Variants in CWH43 observed in about 807,000 individuals in gnomAD.
CWH43 encodes cell wall biogenesis 43 C-terminal homolog, also known as PGAP2-interacting protein.
A neutral mutation model predicts 85.7 loss-of-function variants in CWH43; 91 were observed. The ratio of observed to expected loss-of-function variants is 1.06; its 90% CI spans 0.90 to 1.26. The LOEUF is 1.26. CWH43 is among the 50% of genes most tolerant of loss of function. CWH43 has a pLI of 0.00. For missense variants in CWH43, 869 were observed against 839.2 expected (o/e 1.04, Z -0.44); for synonymous variants, 323 against 293.6 (o/e 1.10, Z -1.02).
Position 49,039,749 on chromosome 4 carries a change from TTTA to T in CWH43, c.1803+1580_1803+1582del, listed in dbSNP as rs543175778. ...TTTTTTTTTCTGATTTTTTTAAAAT[TTTA>T]TTATTATTATACTTTAAGTTTTAGG... On this transcript the variant is annotated intron_variant, in intron 13 of 15. Coordinates refer to ENST00000226432, the MANE Select transcript of CWH43 (RefSeq NM_025087.3). 2.8e-3 allele frequency among the ~76,000 whole-genome samples: 431 copies of T among 151,934 alleles called. 3 individuals carry two copies. Among genetic ancestry groups the T allele is most frequent in the African/African-American group, 0.01 (419 of 41,428 alleles).
At chr4:49,040,016 A>G (rs1189891070) in intron 13 of CWH43, among the ~76,000 whole-genome samples, 1 of 151,562 alleles carries the variant, frequency 6.6e-6, no homozygotes, top group Non-Finnish European at 1.5e-5. Flanking sequence ...TCTCCTTGCG[A>G]TAGTTTGCTG....
At chr4:49,034,150 T>G (rs558921152) in intron 12 of CWH43, among the ~76,000 whole-genome samples, 2 of 152,330 alleles carry the variant, frequency 1.3e-5, no homozygotes, top group South Asian at 4.1e-4. Context: ...ATGGATGATA[T>G]AGATGGTTCA....
chr4:49,012,966 GCAGT>G (rs1263929120), intron 8 of CWH43, among the ~76,000 whole-genome samples: 2 of 152,348 alleles, frequency 1.3e-5, no homozygotes, highest in South Asian at 2.1e-4. Context: ...ACATGAGGAG[GCAGT>G]CTGTCTGTTC....
intron 15 of CWH43, among the ~76,000 whole-genome samples, chr4:49,055,590 CAT>C (rs1491537960): frequency 9.2e-6 from 1 of 108,224 alleles, no homozygotes; most frequent in Non-Finnish European, 2.1e-5. Flanking sequence ...ATTTTTCTTT[CAT>C]TTTTTTTTTT....
intron 13 of CWH43, among the ~76,000 whole-genome samples, chr4:49,044,044 AGTG>A (rs1784548355): frequency 6.6e-6 from 1 of 152,168 alleles, no homozygotes; most frequent in African/African-American, 2.4e-5. Flanking sequence ...AAAATTCAGA[AGTG>A]GTGAAAAGTC....
chr4:49,003,473 C>T, intron 6 of CWH43: 4 of 401,364 alleles, frequency 1.0e-5, no homozygotes, highest in South Asian at 7.1e-5. Context: ...CTAAAAATAC[C>T]CTTTTCACTC....
chr4:48,988,354 A>C, intron 1 of CWH43, 123 bp from the exon 2 acceptor site: 1 of 640,524 alleles, frequency 1.6e-6, no homozygotes. Flanking sequence ...ACTGGAACCC[A>C]GTTCAGGCCA....
intron 11 of CWH43, among the ~76,000 whole-genome samples, chr4:49,031,568 G>A (rs1367589397): frequency 6.6e-6 from 1 of 152,142 alleles, no homozygotes; most frequent in Non-Finnish European, 1.5e-5. Context: ...CCTGATCATA[G>A]AGAGCTCCAT....
chr4:49,050,908 AC>A, intron 15 of CWH43, 59 bp downstream of exon 15: 2 of 1,186,306 alleles, frequency 1.7e-6, no homozygotes, highest in Non-Finnish European at 2.4e-6. Context: ...TATGGAACCT[AC>A]ATATTACCTC....
At chr4:49,039,431 T>TA (rs1560509369) in intron 13 of CWH43, among the ~76,000 whole-genome samples, 19 of 124,154 alleles carry the variant, frequency 1.5e-4, no homozygotes, top group African/African-American at 5.5e-4. Flanking sequence ...ATATATACAC[T>TA]TATATATATA....
chr4:49,032,443 T>C, intron 11 of CWH43, 123 bp from the exon 12 acceptor site: 1 of 1,066,518 alleles, frequency 9.4e-7, no homozygotes, highest in Non-Finnish European at 1.4e-6. Context: ...CGCATTGCTT[T>C]GAATGTCCCT....
intron 14 of CWH43, among the ~76,000 whole-genome samples, chr4:49,047,694 G>A (rs1784670131): frequency 6.6e-6 from 1 of 152,030 alleles, no homozygotes; most frequent in African/African-American, 2.4e-5. Flanking sequence ...AGTGGGGTGA[G>A]GGGCGGCCGA....
At chr4:49,036,262 T>C (rs1233014318) in intron 12 of CWH43, among the ~76,000 whole-genome samples, 4 of 152,126 alleles carry the variant, frequency 2.6e-5, no homozygotes, top group East Asian at 1.9e-4. Flanking sequence ...GTCCAGGAGA[T>C]GAAATCTGCA....
intron 15 of CWH43, among the ~76,000 whole-genome samples, chr4:49,056,919 A>T (rs1036530114): frequency 3.3e-5 from 5 of 152,174 alleles, no homozygotes; most frequent in African/African-American, 1.2e-4. Flanking sequence ...TTGTCTGTTT[A>T]GGAAAGTTTT....
intron 8 of CWH43, among the ~76,000 whole-genome samples, chr4:49,007,880 A>T (rs187214668): frequency 6.6e-6 from 1 of 152,338 alleles, no homozygotes; most frequent in South Asian, 2.1e-4. Flanking sequence ...ATTGATGGAC[A>T]TTTGGGTTGG....
At chr4:49,002,521 T>A (rs1021398648) in intron 6 of CWH43, among the ~76,000 whole-genome samples, 1 of 152,136 alleles carries the variant, frequency 6.6e-6, no homozygotes, top group Admixed American at 6.6e-5. Flanking sequence ...TACACAGAAA[T>A]ATTGGCTGTG....
At chr4:49,059,252 A>G (rs1785064559) in intron 15 of CWH43, among the ~76,000 whole-genome samples, 1 of 151,194 alleles carries the variant, frequency 6.6e-6, no homozygotes, top group Non-Finnish European at 1.5e-5. Context: ...TCTTTATTGA[A>G]TTTTTCAGTT....
At chr4:48,988,740 C>A in intron 2 of CWH43, 72 bp downstream of exon 2, 1 of 857,666 alleles carries the variant, frequency 1.2e-6, no homozygotes, top group Non-Finnish European at 1.7e-6. Context: ...GTAGACTGTT[C>A]TTTGAATACT....
Position 49,050,813 on chromosome 4 carries a change from A to G in CWH43, c.1985A>G (p.His662Arg), listed in dbSNP as rs762856061. The stretch of plus-strand genomic sequence containing the variant: ...GACAACCAGAAAGTGGTCATAGACC[A>G]CAGAGAAGTTTCTGAGAAAATTCAT... ...YRDNQKVVID[H>R]REVSEKIHFN... The change falls in exon 15 of 16, where the codon CAC (histidine) becomes CGC (arginine). Residue 662 changes from histidine (H) to arginine (R), a missense_variant. This residue lies in a region of CWH43 where 577 missense variants were observed against 513.1 expected (regional missense o/e 1.12). Coordinates refer to ENST00000226432, the MANE Select transcript of CWH43 (RefSeq NM_025087.3). 2 of 1,612,656 alleles carry G rather than the reference A, an allele frequency of 1.2e-6. No individual in the cohort carries two copies. Among genetic ancestry groups the G allele is most frequent in the East Asian group, 2.2e-5 (1 of 44,802 alleles).
Sources: allele counts gnomAD v4.1 joint callset (sites outside exome capture counted in the v4.1 genomes callset), GRCh38; gene constraint gnomAD v4.1.1; regional missense constraint gnomAD v4.1.1; transcripts MANE v1.5; gene names NCBI Gene and HGNC (gene_info 2026-07-23, HGNC 2026-07-21).